The following MGAT4C variants were observed in gnomAD, a reference collection of about 807,000 sequenced individuals.
MGAT4C encodes the protein alpha-1,3-mannosyl-glycoprotein 4-beta-N-acetylglucosaminyltransferase C.
MGAT4C carries 19 observed loss-of-function variants against 40.1 expected under a neutral mutation model. The observed-to-expected ratio is 0.47, with a 90% CI of 0.33 to 0.70. MGAT4C has a LOEUF of 0.70. Among genes scored for constraint, MGAT4C ranks in the 30% least tolerant of loss-of-function variants. MGAT4C has a pLI of 0.02. For missense variants in MGAT4C, 491 were observed against 563.2 expected, an observed-to-expected ratio of 0.87 and a Z score of 1.30; for synonymous variants, 181 against 187.1, an observed-to-expected ratio of 0.97 and a Z score of 0.27.
chr12:86,030,738 C>T (rs951486524), intron 2 of MGAT4C, among the ~76,000 whole-genome samples: 2 of 151,520 alleles, frequency 1.3e-5, no homozygotes, highest in Admixed American at 1.3e-4. Context: ...GCAAAATGGG[C>T]TAAAACTGAT....
intron 1 of MGAT4C, among the ~76,000 whole-genome samples, chr12:86,779,015 A>T (rs1225916993): frequency 5.3e-5 from 8 of 150,516 alleles, no homozygotes; most frequent in Admixed American, 2.0e-4. Flanking sequence ...TTTCACTAAA[A>T]AAAAAAAAAC....
intron 3 of MGAT4C, among the ~76,000 whole-genome samples, chr12:86,401,113 T>C (rs1956351317): frequency 6.6e-6 from 1 of 152,080 alleles, no homozygotes; most frequent in Admixed American, 6.6e-5. Flanking sequence ...ATTTGGTTAA[T>C]AATAGTGTTT....
rs141262103 is a variant in MGAT4C at position 86,188,547 on chromosome 12, G to A, written c.-57+67692C>T. On this transcript the variant is annotated intron_variant, in intron 1 of 4. Transcript: ENST00000611864. ...AGATTTAGAATACAGAAACATATGC[G>A]TTAGAGGAATATCCCTAGAACTTTA... 3.1e-3 allele frequency among the ~76,000 whole-genome samples: 473 copies of A among 151,848 alleles called. 1 individual carries two copies. Among genetic ancestry groups the A allele is most frequent in the Non-Finnish European group, 4.8e-3 (328 of 67,858 alleles).
chr12:86,157,863 G>A (rs995856919), intron 1 of MGAT4C, among the ~76,000 whole-genome samples: 6 of 152,204 alleles, frequency 3.9e-5, no homozygotes, highest in Admixed American at 1.3e-4. Context: ...CTCCTCCTCC[G>A]ACATGTGGGG....
chr12:86,713,399 C>T (rs1950593148), intron 2 of MGAT4C, among the ~76,000 whole-genome samples: 1 of 152,046 alleles, frequency 6.6e-6, no homozygotes, highest in African/African-American at 2.4e-5. Context: ...GAGGATGTAT[C>T]ATCTTATTCT....
At chr12:86,012,784 C>CACAACA (rs1565857956) in intron 2 of MGAT4C, among the ~76,000 whole-genome samples, 2 of 119,340 alleles carry the variant, frequency 1.7e-5, no homozygotes, top group East Asian at 4.8e-4. Flanking sequence ...CAACAACCAC[C>CACAACA]ACCACCACCA....
At chr12:86,764,756 G>A (rs1226992294) in intron 1 of MGAT4C, among the ~76,000 whole-genome samples, 1 of 152,088 alleles carries the variant, frequency 6.6e-6, no homozygotes, top group Non-Finnish European at 1.5e-5. Flanking sequence ...AGGCAAACAG[G>A]GTCTGGAGTG....
At chr12:85,995,287 G>A (rs1007795125) in intron 2 of MGAT4C, among the ~76,000 whole-genome samples, 1 of 152,114 alleles carries the variant, frequency 6.6e-6, no homozygotes, top group Non-Finnish European at 1.5e-5. Flanking sequence ...TAATTTGGGG[G>A]AGATAAAGGT....
intron 2 of MGAT4C, among the ~76,000 whole-genome samples, chr12:86,027,210 C>T (rs764735749): frequency 1.3e-5 from 2 of 151,872 alleles, no homozygotes; most frequent in African/African-American, 2.4e-5. Context: ...CTGGGAAGCA[C>T]ATTCATGGGT....
chr12:86,705,767 A>G (rs2136622997), intron 2 of MGAT4C, among the ~76,000 whole-genome samples: 1 of 152,286 alleles, frequency 6.6e-6, no homozygotes, highest in South Asian at 2.1e-4. Flanking sequence ...GATACAATGT[A>G]GTGTAACAAA....
At chr12:86,554,589 C>T (rs528426546) in intron 2 of MGAT4C, among the ~76,000 whole-genome samples, 1 of 152,232 alleles carries the variant, frequency 6.6e-6, no homozygotes, top group East Asian at 1.9e-4. Flanking sequence ...CTTCAACTTA[C>T]ATATTATTCA....
chr12:86,771,080 G>C (rs1429431326), intron 1 of MGAT4C, among the ~76,000 whole-genome samples: 1 of 152,072 alleles, frequency 6.6e-6, no homozygotes, highest in Non-Finnish European at 1.5e-5. Context: ...TTCAGGTACA[G>C]ATCTATAGAG....
chr12:86,432,795 GGAAA>G (rs1265031768), intron 3 of MGAT4C, among the ~76,000 whole-genome samples: 2 of 151,978 alleles, frequency 1.3e-5, no homozygotes, highest in Non-Finnish European at 2.9e-5. Context: ...ATGTCTAAAG[GGAAA>G]GAAAGTGTAA....
intron 2 of MGAT4C, among the ~76,000 whole-genome samples, chr12:86,608,843 T>G: frequency 6.6e-6 from 1 of 152,138 alleles, no homozygotes; most frequent in South Asian, 2.1e-4. Context: ...ATATTATACA[T>G]AGTGTTAGAC....
intron 2 of MGAT4C, among the ~76,000 whole-genome samples, chr12:86,653,759 A>T (rs989674117): frequency 2.0e-5 from 3 of 148,442 alleles, no homozygotes; most frequent in African/African-American, 7.8e-5. Context: ...TAAAGATTCT[A>T]TTCAGGATAT....
chr12:86,258,525 G>A (rs1276060957), upstream of MGAT4C, among the ~76,000 whole-genome samples: 1 of 151,992 alleles, frequency 6.6e-6, no homozygotes, highest in Non-Finnish European at 1.5e-5. Context: ...ATTTTTGTTT[G>A]TTTGTTCATT....
At chr12:86,641,341 G>A (rs1396181262) in intron 2 of MGAT4C, among the ~76,000 whole-genome samples, 1 of 151,544 alleles carries the variant, frequency 6.6e-6, no homozygotes, top group Non-Finnish European at 1.5e-5. Context: ...GACACAGGAA[G>A]GGGAACATTA....
chr12:86,766,996 G>C (rs1228834229), intron 1 of MGAT4C, among the ~76,000 whole-genome samples: 1 of 152,130 alleles, frequency 6.6e-6, no homozygotes, highest in South Asian at 2.1e-4. Flanking sequence ...AAAGGTAGCA[G>C]AAGGCAAGAA....
At chr12:86,530,473 A>G (rs1362650983) in intron 2 of MGAT4C, among the ~76,000 whole-genome samples, 3 of 152,032 alleles carry the variant, frequency 2.0e-5, no homozygotes, top group Admixed American at 2.0e-4. Flanking sequence ...AATAAATAAA[A>G]TGAATATATT....
Sources: allele counts gnomAD v4.1 joint callset (sites outside exome capture counted in the v4.1 genomes callset), GRCh38; gene constraint gnomAD v4.1.1; transcripts MANE v1.5; gene names NCBI Gene and HGNC (gene_info 2026-07-23, HGNC 2026-07-21).